MDM1: variants seen among roughly 807,000 people sequenced by gnomAD.
MDM1 encodes the protein Mdm1 nuclear protein.
A neutral mutation model predicts 89.1 loss-of-function variants in MDM1; 61 were observed. The ratio of observed to expected loss-of-function variants is 0.68; its 90% CI spans 0.56 to 0.85. The LOEUF is 0.85. Ranked by LOEUF, MDM1 falls within the 40% of genes least tolerant of loss-of-function variation. The probability of loss-of-function intolerance (pLI) is 0.00; values close to 1 mark genes in which losing one functional copy is unlikely to be tolerated. For missense variants in MDM1, 820 were observed against 846.5 expected (o/e 0.97, Z 0.39); for synonymous variants, 290 against 294.1 (o/e 0.99, Z 0.14).
intron 8 of MDM1, 140 bp downstream of exon 8, chr12:68,316,441 T>A (rs1167958909): frequency 1.4e-5 from 13 of 931,848 alleles, no homozygotes; most frequent in African/African-American, 1.3e-4. Flanking sequence ...TAAAGCATGA[T>A]GCAGTTATTT....
chr12:68,331,763 G>A (rs189274752), intron 1 of MDM1, among the ~76,000 whole-genome samples: 1 of 152,188 alleles, frequency 6.6e-6, no homozygotes, highest in Non-Finnish European at 1.5e-5. Context: ...TTTAACATAC[G>A]CTAAGAATGC....
At chr12:68,322,502 C>T (rs952632659) in intron 5 of MDM1, among the ~76,000 whole-genome samples, 2 of 152,028 alleles carry the variant, frequency 1.3e-5, no homozygotes, top group African/African-American at 4.8e-5. Context: ...GGCATGGTGG[C>T]GTGCATCTGT....
At chr12:68,316,985 C>T (rs1342874977) in intron 7 of MDM1, among the ~76,000 whole-genome samples, 1 of 152,066 alleles carries the variant, frequency 6.6e-6, no homozygotes, top group Non-Finnish European at 1.5e-5. Context: ...GGTTATGAGG[C>T]TTCCCTCTCC....
At position 68,332,321 on chromosome 12, in the gene MDM1, G is replaced by A; in HGVS notation, c.-76C>T. 4.7e-6 allele frequency: 7 copies of A among 1,475,456 alleles called. No homozygotes were observed. The highest frequency in any genetic ancestry group is 6.3e-6 in the Non-Finnish European group (7 of 1,104,300). 91.4% of individuals were successfully genotyped at this position (1,475,456 alleles called of 1,614,324 possible). On this transcript the variant is annotated 5_prime_UTR_variant, in exon 1 of 15. Coordinates refer to ENST00000682720, the MANE Select transcript of MDM1 (RefSeq NM_001354969.2). ...GCTCCGAGGGGGCGGGGCGATAACA[G>A]TGTTCCCTAGCAAAGCCTCGGCCCG...
chr12:68,329,144 T>C (rs1313811947), intron 2 of MDM1, among the ~76,000 whole-genome samples: 1 of 152,208 alleles, frequency 6.6e-6, no homozygotes, highest in Non-Finnish European at 1.5e-5. Flanking sequence ...CTTAATCTAA[T>C]GGAGGTTCAA....
intron 1 of MDM1, 21 bp downstream of exon 1, chr12:68,332,207 G>A: frequency 6.4e-7 from 1 of 1,551,752 alleles, no homozygotes; most frequent in Non-Finnish European, 8.7e-7. Context: ...CCACATTCCG[G>A]CCCGGGGACC....
At chr12:68,317,720 T>C (rs1057420758) in intron 7 of MDM1, among the ~76,000 whole-genome samples, 2 of 152,222 alleles carry the variant, frequency 1.3e-5, no homozygotes, top group African/African-American at 4.8e-5. Context: ...AGCAGTGGTT[T>C]TTGCATTTAA....
At chr12:68,313,779 C>A (rs1267134323) in intron 10 of MDM1, 26 bp from the exon 11 acceptor site, 5 of 1,491,278 alleles carry the variant, frequency 3.4e-6, no homozygotes, top group Non-Finnish European at 4.7e-6. Context: ...ATCTATGAAT[C>A]TATACAGCAT....
chr12:68,326,941 T>C lies in MDM1; in HGVS notation c.214A>G (p.Asn72Asp). 6.2e-7 allele frequency: 1 copy of C among 1,614,016 alleles called. No homozygotes were observed. Among genetic ancestry groups the C allele is most frequent in the Non-Finnish European group, 8.5e-7 (1 of 1,179,994 alleles). Residue 72 changes from asparagine (N) to aspartate (D), a missense_variant, in exon 3 of 15, where the codon AAT becomes GAT. Asn to Asp is a conservative substitution (Grantham distance 23). Transcript: ENST00000682720. ...DPQISKSLEWNGAISESNVVA... is the reference protein window; with the variant it reads ...DPQISKSLEWDGAISESNVVA... The stretch of plus-strand genomic sequence containing the variant: ...ACATTGCTCTCTGAGATAGCTCCAT[T>C]CCACTCCAGAGATTTTGAAATCTGT...
At position 68,302,839 on chromosome 12, in the gene MDM1, G is replaced by C. The variant is rs778966288; in HGVS notation, c.1783C>G (p.Pro595Ala). 4 of 1,592,304 alleles carry C rather than the reference G, an allele frequency of 2.5e-6. No homozygotes were observed. Among genetic ancestry groups the C allele is most frequent in the Admixed American group, 1.7e-5 (1 of 57,874 alleles). ...ESRAVSLLTSPAAGIKTVDPL... is the reference protein window; with the variant it reads ...ESRAVSLLTSAAAGIKTVDPL... ...TCAACTGTTTTTATACCAGCAGCTG[G>C]AGAAGTCAGTAGGGATACAGCACGA... is the stretch of plus-strand genomic sequence containing the variant. Residue 595 changes from proline to alanine, a missense_variant, in exon 13 of 15, where the codon CCA (proline) becomes GCA (alanine). Physicochemically the swap from Pro to Ala is conservative, Grantham distance 27. Transcript: ENST00000682720.
chr12:68,297,094 T>C (rs1043068637), intron 13 of MDM1, 112 bp from the exon 14 acceptor site: 2 of 574,086 alleles, frequency 3.5e-6, no homozygotes, highest in East Asian at 3.2e-5. Context: ...TTATTAATTA[T>C]CAAACCTACA....
chr12:68,303,022 T>C, intron 12 of MDM1, 150 bp from the exon 13 acceptor site: 7 of 707,900 alleles, frequency 9.9e-6, no homozygotes, highest in Non-Finnish European at 2.1e-6. Context: ...GAAGATATGA[T>C]ATAGACAAAC....
chr12:68,331,088 A>G lies in MDM1; in HGVS notation c.133+19T>C, dbSNP rs374001045. On this transcript the variant is annotated intron_variant, in intron 2 of 14. Transcript: ENST00000682720. Reference sequence around the variant, plus strand: ...AAACTTAGCCCAGGTTAGAATGGCTATTAGCCTGCTCAACTTACCTAATTG... The same window carrying G: ...AAACTTAGCCCAGGTTAGAATGGCTGTTAGCCTGCTCAACTTACCTAATTG... 5 of 1,406,360 alleles carry G rather than the reference A, an allele frequency of 3.6e-6. No homozygotes were observed. The African/African-American group carries it at 5.7e-5, about 16-fold the overall frequency. The allele number at this position is 1,406,360 out of a possible 1,614,324, so 87.1% of individuals were successfully genotyped here.
chr12:68,321,511 A>G lies in MDM1; in HGVS notation c.905+14T>C, dbSNP rs764354037. The G allele has an allele frequency of 1.2e-6, 2 of 1,610,780 alleles. No individual in the cohort carries two copies. Among genetic ancestry groups the G allele is most frequent in the Admixed American group, 1.7e-5 (1 of 59,714 alleles). Reference sequence around the variant, plus strand: ...AATCATTGAAATACCATATTTTCCTATTAAAATACATACCCAAGCCTTTGA... The same window carrying G: ...AATCATTGAAATACCATATTTTCCTGTTAAAATACATACCCAAGCCTTTGA... On this transcript the variant is annotated intron_variant, in intron 6 of 14. Transcript: ENST00000682720.
Position 68,295,100 on chromosome 12 carries a change from A to G in MDM1, c.*154T>C. 2.0e-6 allele frequency: 1 copy of G among 512,652 alleles called. No individual in the cohort carries two copies. The highest frequency in any genetic ancestry group is 3.6e-6 in the Non-Finnish European group (1 of 281,526). 31.8% of individuals were successfully genotyped at this position (512,652 alleles called of 1,614,324 possible). A position where few individuals can be genotyped will look rare whatever the true frequency, so the allele number is the denominator to read the frequency against. Reference sequence around the variant, plus strand: ...TTAAAAGTTAAATTTGTATAAGCCTATGTTAACAATTTCCAAGTAAACTGT... The same window carrying G: ...TTAAAAGTTAAATTTGTATAAGCCTGTGTTAACAATTTCCAAGTAAACTGT... On this transcript the variant is annotated 3_prime_UTR_variant, in exon 15 of 15. Transcript: ENST00000682720.
intron 2 of MDM1, among the ~76,000 whole-genome samples, chr12:68,327,723 G>A (rs1876215923): frequency 6.6e-6 from 1 of 152,170 alleles, no homozygotes; most frequent in Admixed American, 6.5e-5. Context: ...AGAATGGAAA[G>A]GGAAGGTGGA....
chr12:68,313,543 A>G lies in MDM1; in HGVS notation c.1649T>C (p.Val550Ala), dbSNP rs1323975020. The change falls in exon 12 of 15, where the codon GTT becomes GCT. Residue 550 changes from valine to alanine, a missense_variant. Physicochemically the swap from Val to Ala is moderately conservative, Grantham distance 64. Coordinates refer to ENST00000682720, the MANE Select transcript of MDM1 (RefSeq NM_001354969.2). ...CTTCATCTTAGATGGAGACACTAAA[A>G]CAGCACCACCTGGAAAAATAAAGAT... The part of the protein sequence containing the change: ...DLTTPAVGGA[V>A]LVSPSKMKPP... 3 of 1,613,416 alleles carry G rather than the reference A, an allele frequency of 1.9e-6. No homozygotes were observed. Among genetic ancestry groups the G allele is most frequent in the Non-Finnish European group, 2.5e-6 (3 of 1,179,526 alleles).
rs1204770166 is a variant in MDM1 at position 68,321,545 on chromosome 12, A to G, written c.885T>C (p.Pro295=). ...CATACCCAAGCCTTTGATGTTTCCA[A>G]GGAGTAAGCTTCCTTTTAGGCTGGT... is the stretch of plus-strand genomic sequence containing the variant. ...DLHQPKRKLT[P]WKHQRLGKVN... is the part of the protein sequence containing the mutation. The change falls in exon 6 of 15, where the codon CCT becomes CCC. Residue 295 remains proline (P), a synonymous_variant. Coordinates refer to ENST00000682720, the MANE Select transcript of MDM1 (RefSeq NM_001354969.2). 1 of 1,613,068 alleles carries G rather than the reference A, an allele frequency of 6.2e-7. No homozygotes were observed. Among genetic ancestry groups the G allele is most frequent in the South Asian group, 1.1e-5 (1 of 90,940 alleles).
At chr12:68,322,934 C>T (rs1875427102) in intron 5 of MDM1, 139 bp downstream of exon 5, 3 of 750,160 alleles carry the variant, frequency 4.0e-6, no homozygotes, top group Non-Finnish European at 6.3e-6. Flanking sequence ...TAGTAGCTGG[C>T]TCAATGAACA....
Sources: gnomAD v4.1 joint callset for allele counts (sites outside exome capture counted in the v4.1 genomes callset) on GRCh38, gnomAD v4.1.1 for gene constraint, MANE v1.5 for transcripts, NCBI Gene and HGNC (gene_info 2026-07-23, HGNC 2026-07-21) for gene names.